The following DOCK1 variants were observed in gnomAD, a reference collection of about 807,000 sequenced individuals.
DOCK1 encodes the protein dedicator of cytokinesis protein 1.
DOCK1 carries 138 observed loss-of-function variants against 262.7 expected under a neutral mutation model. The ratio of observed to expected loss-of-function variants is 0.53; its 90% confidence interval spans 0.46 to 0.61. The LOEUF is 0.61. DOCK1 is among the 20% of genes least tolerant of loss of function. The pLI, the probability that DOCK1 is intolerant of heterozygous loss-of-function variation, is 0.00. For synonymous variants in DOCK1, 866 were observed against 867.4 expected, an observed-to-expected ratio of 1.00 and a Z score of 0.03; for missense variants, 1,908 against 2,370.7, an observed-to-expected ratio of 0.80 and a Z score of 4.05.
At chr10:127,094,841 C>G in intron 23 of DOCK1, among the ~76,000 whole-genome samples, 1 of 152,292 alleles carries the variant, frequency 6.6e-6, no homozygotes, top group Middle Eastern at 3.4e-3. Context: ...CTGTCGACTT[C>G]TGAATTTTAA....
intron 27 of DOCK1, among the ~76,000 whole-genome samples, chr10:127,143,027 C>G (rs1005773683): frequency 2.9e-4 from 44 of 152,228 alleles, no homozygotes; most frequent in African/African-American, 1.0e-3. Flanking sequence ...CTTCTCCCCG[C>G]TGCCGCATGT....
At chr10:126,979,579 T>C (rs977368431) in intron 3 of DOCK1, among the ~76,000 whole-genome samples, 4 of 152,120 alleles carry the variant, frequency 2.6e-5, no homozygotes, top group Non-Finnish European at 5.9e-5. Flanking sequence ...TTCCCCAATT[T>C]GAGATCTCTT....
chr10:127,273,016 T>TG (rs547293207), intron 29 of DOCK1, among the ~76,000 whole-genome samples: 283 of 152,182 alleles, frequency 1.9e-3, no homozygotes, highest in Middle Eastern at 6.8e-3. Context: ...CCACAACACG[T>TG]GGGAATTCAA....
chr10:127,032,125 C>G lies in DOCK1; in HGVS notation c.1729-12C>G. On this transcript the variant is annotated splice_polypyrimidine_tract_variant and intron_variant, in intron 17 of 51. Coordinates refer to ENST00000623213, the MANE Select transcript of DOCK1 (RefSeq NM_001290223.2). ...GAATTGCCTTTGACATACGGCATGA[C>G]TAAATCCACAGGCCGAAGCAAAGAA... The G allele has an allele frequency of 6.3e-7, 1 of 1,579,214 alleles. No individual in the cohort carries two copies. The highest frequency in any genetic ancestry group is 8.6e-7 in the Non-Finnish European group (1 of 1,162,380).
At chr10:127,050,335 T>G (rs913792206) in intron 21 of DOCK1, among the ~76,000 whole-genome samples, 1 of 151,540 alleles carries the variant, frequency 6.6e-6, no homozygotes, top group African/African-American at 2.4e-5. Context: ...TATTTCTTAA[T>G]TATAATAGAT....
chr10:127,076,787 C>G (rs968224976), intron 23 of DOCK1, among the ~76,000 whole-genome samples: 2 of 152,214 alleles, frequency 1.3e-5, no homozygotes, highest in Non-Finnish European at 2.9e-5. Context: ...GACAGGGGGG[C>G]TCCGTCATCT....
chr10:127,127,764 T>C lies in DOCK1; in HGVS notation c.2847T>C (p.Ile949=), dbSNP rs2133102819. The change falls in exon 27 of 52, where the codon ATT becomes ATC. Residue 949 remains isoleucine (I), a splice_region_variant and synonymous_variant. Transcript: ENST00000623213. ...VISMGRDSEL[I]GNFVACMTAI... ...CCATGGGACGAGATTCTGAACTCAT[T>C]GTAAGTGCTTGGTGACATATGTTTG... 1.9e-6 allele frequency: 3 copies of C among 1,609,880 alleles called. No homozygotes were observed. Among genetic ancestry groups the C allele is most frequent in the Non-Finnish European group, 2.5e-6 (3 of 1,176,738 alleles).
intron 12 of DOCK1, 116 bp from the exon 13 acceptor site, chr10:127,018,594 T>C: frequency 6.6e-7 from 1 of 1,525,628 alleles, no homozygotes; most frequent in East Asian, 2.3e-5. Flanking sequence ...CCACCTTTTC[T>C]CTCAAGATGT....
At chr10:127,134,613 G>A (rs762933387) in intron 27 of DOCK1, among the ~76,000 whole-genome samples, 1 of 152,126 alleles carries the variant, frequency 6.6e-6, no homozygotes, top group Non-Finnish European at 1.5e-5. Context: ...GGACCTTTGA[G>A]GCAGCACCAA....
chr10:126,913,536 C>G (rs2032116784), intron 1 of DOCK1, among the ~76,000 whole-genome samples: 1 of 152,158 alleles, frequency 6.6e-6, no homozygotes, highest in Non-Finnish European at 1.5e-5. Flanking sequence ...GCTTTAATAT[C>G]AGGAGCTCAT....
rs775363171 is a variant in DOCK1 at position 127,439,227 on chromosome 10, T to C, written c.5259+2T>C. ...GAGGCTGTGATCCTTTCGGAAACGG[T>C]AACCCGACAGGGTATCTTTCCTCGC... On this transcript the variant is annotated splice_donor_variant, in intron 49 of 51. Transcript: ENST00000623213. LOFTEE classifies it high-confidence loss of function. 1 of 1,606,934 alleles carries C rather than the reference T, an allele frequency of 6.2e-7. No individual in the cohort carries two copies. The highest frequency in any genetic ancestry group is 8.5e-7 in the Non-Finnish European group (1 of 1,176,750).
intron 4 of DOCK1, among the ~76,000 whole-genome samples, chr10:126,987,153 G>A (rs1591543971): frequency 2.0e-5 from 3 of 152,172 alleles, no homozygotes; most frequent in African/African-American, 4.8e-5. Context: ...CACATGGACC[G>A]GCTGTAATTT....
At chr10:127,275,345 A>T (rs2060704543) in intron 29 of DOCK1, among the ~76,000 whole-genome samples, 1 of 152,132 alleles carries the variant, frequency 6.6e-6, no homozygotes, top group Admixed American at 6.5e-5. Flanking sequence ...ATTTGGCCAC[A>T]TAGTGGTCAC....
At chr10:127,302,009 G>A (rs1442967514) in intron 29 of DOCK1, among the ~76,000 whole-genome samples, 1 of 151,876 alleles carries the variant, frequency 6.6e-6, no homozygotes, top group Non-Finnish European at 1.5e-5. Context: ...TGCTTTGTGT[G>A]TGCCTTCCCT....
intron 21 of DOCK1, among the ~76,000 whole-genome samples, chr10:127,050,404 T>C (rs1170094879): frequency 1.4e-5 from 2 of 144,376 alleles, no homozygotes; most frequent in Non-Finnish European, 3.1e-5. Flanking sequence ...ATATTGCCAC[T>C]TTACCCTCTA....
chr10:127,072,886 A>T lies in DOCK1; in HGVS notation c.2445+11110A>T, dbSNP rs1041971876. Among the ~76,000 whole-genome samples the T allele has an allele frequency of 5.3e-5, 8 of 152,200 alleles. 1 individual carries two copies. In the South Asian group the frequency reaches 1.7e-3, roughly 32 times the overall value. On this transcript the variant is annotated intron_variant, in intron 23 of 51. Transcript: ENST00000623213. ...CTGACTCATTGATGGAAACATTTAT[A>T]TCCCACATCCACTGGCTCTTGTCTG...
intron 27 of DOCK1, among the ~76,000 whole-genome samples, chr10:127,196,311 G>A (rs1317060833): frequency 2.7e-5 from 4 of 148,742 alleles, no homozygotes; most frequent in African/African-American, 9.7e-5. Flanking sequence ...CCAGCTCCGG[G>A]GACGCCCGCG....
At chr10:127,019,525 G>GA in intron 13 of DOCK1, among the ~76,000 whole-genome samples, 1 of 130,386 alleles carries the variant, frequency 7.7e-6, no homozygotes, top group Non-Finnish European at 1.6e-5. Context: ...GAGGCGGGGG[G>GA]ATCACTTGAA....
chr10:127,057,839 G>A (rs2045264873), intron 22 of DOCK1, among the ~76,000 whole-genome samples: 1 of 152,190 alleles, frequency 6.6e-6, no homozygotes, highest in African/African-American at 2.4e-5. Context: ...AGACCTTTTT[G>A]CTATCATTCC....
Sources: allele counts gnomAD v4.1 joint callset (sites outside exome capture counted in the v4.1 genomes callset), GRCh38; gene constraint gnomAD v4.1.1; transcripts MANE v1.5; gene names NCBI Gene and HGNC (gene_info 2026-07-23, HGNC 2026-07-21).